ASIC2: variants seen among roughly 807,000 people sequenced by gnomAD.
ASIC2 encodes acid sensing ion channel subunit 2, also known as acid-sensing ion channel 2.
ASIC2 carries 25 observed loss-of-function variants against 57.3 expected under a neutral mutation model. That is an observed-to-expected ratio of 0.44 (90% confidence interval 0.32 to 0.61). The LOEUF (loss-of-function observed/expected upper bound fraction) is 0.61, where lower values mean the gene tolerates loss of function less well. ASIC2 is among the 20% of genes least tolerant of loss of function. The pLI, the probability that ASIC2 is intolerant of heterozygous loss-of-function variation, is 0.06. For missense variants in ASIC2, 641 were observed against 738.1 expected (o/e 0.87, Z 1.52); for synonymous variants, 319 against 307.5 (o/e 1.04, Z -0.39).
chr17:33,640,683 G>A (rs1367916105), intron 1 of ASIC2, among the ~76,000 whole-genome samples: 3 of 152,248 alleles, frequency 2.0e-5, no homozygotes, highest in Admixed American at 2.0e-4. Flanking sequence ...CAGTAGAAAT[G>A]CGTGTCAATG....
intron 5 of ASIC2, 30 bp from the exon 6 acceptor site, chr17:33,024,044 C>T: frequency 6.2e-7 from 1 of 1,612,660 alleles, no homozygotes; most frequent in South Asian, 1.1e-5. Context: ...GGGGCTTAGT[C>T]AGGTGTGGGC....
intron 1 of ASIC2, among the ~76,000 whole-genome samples, chr17:33,215,781 G>C (rs1007834092): frequency 2.0e-5 from 3 of 151,868 alleles, no homozygotes; most frequent in Non-Finnish European, 2.9e-5. Context: ...CTCACTGCAG[G>C]CTCCGCCCCC....
chr17:33,585,055 C>CT (rs1158396940), intron 1 of ASIC2, among the ~76,000 whole-genome samples: 7 of 152,162 alleles, frequency 4.6e-5, no homozygotes, highest in Admixed American at 4.6e-4. Context: ...TCCTTGTGGG[C>CT]TACAGCCTCC....
chr17:33,994,101 A>G (rs540821147), intron 1 of ASIC2, among the ~76,000 whole-genome samples: 19 of 152,238 alleles, frequency 1.2e-4, no homozygotes, highest in Admixed American at 3.9e-4. Context: ...CTTTGCAAAT[A>G]TTTCATCAAA....
chr17:33,088,790 T>G (rs1210945492), intron 3 of ASIC2, 73 bp downstream of exon 3: 1 of 1,480,736 alleles, frequency 6.8e-7, no homozygotes, highest in Non-Finnish European at 9.0e-7. Flanking sequence ...GAATTCCATT[T>G]CTCCTCCTTG....
At chr17:33,572,054 C>T (rs1422033972) in intron 1 of ASIC2, 2 of 152,214 alleles carry the variant, frequency 1.3e-5, no homozygotes, top group African/African-American at 4.8e-5. Context: ...CGACTTTGCC[C>T]CAGCCAACTG....
chr17:34,154,969 C>T (rs1028910039), intron 1 of ASIC2, among the ~76,000 whole-genome samples: 1 of 152,086 alleles, frequency 6.6e-6, no homozygotes, highest in Admixed American at 6.5e-5. Context: ...ACTGGAGAAC[C>T]CTGGCAGCAA....
intron 1 of ASIC2, among the ~76,000 whole-genome samples, chr17:33,643,830 T>C (rs1210707980): frequency 6.6e-6 from 1 of 152,204 alleles, no homozygotes; most frequent in Non-Finnish European, 1.5e-5. Flanking sequence ...ACTCAATAAA[T>C]GGTGGCAATC....
At chr17:33,318,154 C>T (rs1906731918) in intron 1 of ASIC2, among the ~76,000 whole-genome samples, 1 of 152,112 alleles carries the variant, frequency 6.6e-6, no homozygotes, top group Non-Finnish European at 1.5e-5. Context: ...TTTAGCTTCC[C>T]CTTACTGCTT....
At chr17:34,087,540 G>A (rs979336767) in intron 1 of ASIC2, among the ~76,000 whole-genome samples, 1 of 150,074 alleles carries the variant, frequency 6.7e-6, no homozygotes, top group African/African-American at 2.5e-5. Context: ...TTCTCGAGGA[G>A]TATCTTTGTG....
chr17:33,255,212 G>A (rs560007828), intron 1 of ASIC2, among the ~76,000 whole-genome samples: 2 of 151,504 alleles, frequency 1.3e-5, no homozygotes, highest in Admixed American at 1.3e-4. Flanking sequence ...GCTAATTTTT[G>A]TATTTTTAGT....
At chr17:33,322,556 GATTC>G (rs140918105) in intron 1 of ASIC2, among the ~76,000 whole-genome samples, 72 of 152,212 alleles carry the variant, frequency 4.7e-4, no homozygotes, top group Admixed American at 8.5e-4. Context: ...CCAGTAGAAA[GATTC>G]ATTCATTCAT....
chr17:33,233,514 T>TCACACACA (rs36203893), intron 1 of ASIC2, among the ~76,000 whole-genome samples: 13 of 147,094 alleles, frequency 8.8e-5, no homozygotes, highest in Admixed American at 3.4e-4. Context: ...AATTGGAAAT[T>TCACACACA]CACACACACA....
chr17:33,025,260 C>G (rs986904703), intron 5 of ASIC2, among the ~76,000 whole-genome samples: 2 of 152,168 alleles, frequency 1.3e-5, no homozygotes, highest in African/African-American at 4.8e-5. Context: ...CAGAGTGGGC[C>G]TAGCTTTGGG....
At chr17:33,215,725 G>A (rs111828283) in intron 1 of ASIC2, among the ~76,000 whole-genome samples, 11 of 145,638 alleles carry the variant, frequency 7.6e-5, no homozygotes, top group African/African-American at 2.8e-4. Flanking sequence ...TTTTTGAGAC[G>A]GAGTCTCGCT....
intron 1 of ASIC2, among the ~76,000 whole-genome samples, chr17:33,342,324 ATG>A (rs1225099793): frequency 1.1e-5 from 1 of 91,492 alleles, no homozygotes; most frequent in African/African-American, 3.7e-5. Context: ...GTGTGTGTAC[ATG>A]TGTGTGTGTA....
chr17:33,819,530 G>A (rs1329575315), intron 1 of ASIC2, among the ~76,000 whole-genome samples: 6 of 152,246 alleles, frequency 3.9e-5, no homozygotes, highest in African/African-American at 1.2e-4. Context: ...GGCCTGGGAT[G>A]TGAAGGGCAT....
At chr17:33,027,761 A>G (rs1001956750) in intron 4 of ASIC2, among the ~76,000 whole-genome samples, 1 of 152,264 alleles carries the variant, frequency 6.6e-6, no homozygotes, top group Non-Finnish European at 1.5e-5. Context: ...TGAGATGGCC[A>G]CATGCATTGT....
intron 1 of ASIC2, among the ~76,000 whole-genome samples, chr17:33,796,149 A>C (rs1213833075): frequency 6.6e-6 from 1 of 151,950 alleles, no homozygotes; most frequent in Admixed American, 6.6e-5. Context: ...CGGAGGACAG[A>C]CTCCCCCACC....
Sources: allele counts gnomAD v4.1 joint callset (sites outside exome capture counted in the v4.1 genomes callset), GRCh38; gene constraint gnomAD v4.1.1; transcripts MANE v1.5; gene names NCBI Gene and HGNC (gene_info 2026-07-23, HGNC 2026-07-21).